The following HADHB variants were observed in gnomAD, a reference collection of about 807,000 sequenced individuals.
The protein encoded by HADHB is hydroxyacyl-CoA dehydrogenase trifunctional multienzyme complex subunit beta, also known as trifunctional enzyme subunit beta, mitochondrial.
In HADHB, 50 loss-of-function variants were observed where a neutral mutation model predicts 61.9. The ratio of observed to expected loss-of-function variants is 0.81; its 90% CI spans 0.64 to 1.02. The LOEUF is 1.02. HADHB is among the 50% of genes least tolerant of loss of function. The pLI is 0.00. For synonymous variants in HADHB, 191 were observed against 201.6 expected (o/e 0.95, Z 0.45); for missense variants, 504 against 586.5 (o/e 0.86, Z 1.45).
chr2:26,279,091 A>T, intron 8 of HADHB, 44 bp from the exon 9 acceptor site: 1 of 1,474,504 alleles, frequency 6.8e-7, no homozygotes, highest in South Asian at 1.1e-5. Context: ...TTAGCATAAC[A>T]CCGGTTAACA....
chr2:26,251,073 A>G (rs1437098124), intron 1 of HADHB, among the ~76,000 whole-genome samples: 1 of 151,238 alleles, frequency 6.6e-6, no homozygotes, highest in East Asian at 1.9e-4. Flanking sequence ...TATACACTAA[A>G]TTCTTACATA....
At chr2:26,276,542 G>A (rs1484746804) in intron 6 of HADHB, among the ~76,000 whole-genome samples, 1 of 152,152 alleles carries the variant, frequency 6.6e-6, no homozygotes, top group Non-Finnish European at 1.5e-5. Flanking sequence ...AAGCAGACAG[G>A]GTCTTGAGTG....
At chr2:26,288,601 CG>C (rs1488966916) in intron 15 of HADHB, among the ~76,000 whole-genome samples, 1 of 151,576 alleles carries the variant, frequency 6.6e-6, no homozygotes, top group South Asian at 2.1e-4. Context: ...CCCAGCTACT[CG>C]GGAGGCTGAG....
Position 26,290,160 on chromosome 2 carries a change from AG to A in HADHB, c.*208del. Reference sequence around the variant, plus strand: ...TTTACTGCTCTTTCAGGGATTTCTAAGCCACCAGAATCTCACATGAGATGTG... The same window carrying A: ...TTTACTGCTCTTTCAGGGATTTCTAACCACCAGAATCTCACATGAGATGTG... On this transcript the variant is annotated 3_prime_UTR_variant, in exon 16 of 16. Coordinates refer to ENST00000317799, the MANE Select transcript of HADHB (RefSeq NM_000183.3). The A allele has an allele frequency of 1.7e-6, 1 of 601,008 alleles. No homozygotes were observed. The highest frequency in any genetic ancestry group is 1.9e-5 in the South Asian group (1 of 51,804). 37.2% of individuals were successfully genotyped at this position (601,008 alleles called of 1,614,324 possible).
At chr2:26,251,317 G>C (rs567035217) in intron 1 of HADHB, among the ~76,000 whole-genome samples, 2 of 152,016 alleles carry the variant, frequency 1.3e-5, no homozygotes, top group South Asian at 4.2e-4. Context: ...CTCTTGAGTA[G>C]CTGCGACTAC....
intron 14 of HADHB, 107 bp downstream of exon 14, chr2:26,285,064 A>C (rs1210523253): frequency 1.1e-5 from 8 of 729,716 alleles, no homozygotes; most frequent in Non-Finnish European, 2.0e-5. Context: ...CTTTCTTTTG[A>C]AGAATTTTGT....
chr2:26,249,535 G>A (rs1429444215), intron 1 of HADHB, among the ~76,000 whole-genome samples: 1 of 151,774 alleles, frequency 6.6e-6, no homozygotes, highest in East Asian at 1.9e-4. Flanking sequence ...ATAAATAAAG[G>A]AGATTTATTG....
At chr2:26,273,822 T>C (rs573207857) in intron 6 of HADHB, 72 bp downstream of exon 6, 3 of 833,584 alleles carry the variant, frequency 3.6e-6, no homozygotes, top group African/African-American at 3.3e-5. Flanking sequence ...TAATAGAAGT[T>C]ACTTTACAAA....
intron 9 of HADHB, 52 bp from the exon 10 acceptor site, chr2:26,279,942 A>G: frequency 7.5e-7 from 1 of 1,339,964 alleles, no homozygotes; most frequent in Non-Finnish European, 1.1e-6. Context: ...TGTGGAGAAG[A>G]TATATAAGGC....
At position 26,253,873 on chromosome 2, in the gene HADHB, T is replaced by TA. The variant is rs1558341619; in HGVS notation, c.-8-371dup. Reference sequence around the variant, plus strand: ...CATCTCAAAAAAATAAATAAATAAATAAATAAATAAATAAATAAATAAATA... The same window carrying TA: ...CATCTCAAAAAAATAAATAAATAAATAAAATAAATAAATAAATAAATAAATA... On this transcript the variant is annotated intron_variant, in intron 1 of 15. Transcript: ENST00000317799. 3.7e-3 allele frequency among the ~76,000 whole-genome samples: 540 copies of TA among 146,542 alleles called. 3 individuals carry two copies. The highest frequency in any genetic ancestry group is 0.013 in the African/African-American group (526 of 40,270).
intron 12 of HADHB, 78 bp downstream of exon 12, chr2:26,283,129 G>A: frequency 1.1e-6 from 1 of 891,876 alleles, no homozygotes; most frequent in African/African-American, 1.6e-5. Context: ...GTTAATAAAT[G>A]ATTAACACTG....
In HADHB at chr2:26,279,143, G is replaced by C. The variant is rs530807623; in HGVS notation, c.639G>C (p.Ala213=). The C allele has an allele frequency of 6.2e-7, 1 of 1,613,490 alleles. No individual in the cohort carries two copies. The highest frequency in any genetic ancestry group is 8.5e-7 in the Non-Finnish European group (1 of 1,179,464). Residue 213 remains alanine (A), a synonymous_variant, in exon 9 of 16, where the codon GCG becomes GCC. Transcript: ENST00000317799. ...GATATCTCCTTTCCCAGCTCCCTGC[G>C]GTTTCTGAGTTCTCCACCAGTGAGA... ...RFNFLAPELP[A]VSEFSTSETM... is the part of the protein sequence containing the mutation.
chr2:26,284,197 CTT>C lies in HADHB; in HGVS notation c.1144_1145del (p.Phe382LeufsTer9). On this transcript the variant is annotated frameshift_variant, in exon 13 of 16. Transcript: ENST00000317799. LOFTEE classifies it high-confidence loss of function. Reference sequence around the variant, plus strand: ...ATTGATGCTTTTGAATTTCATGAAGCTTTCTCGGTAAGTAATTTGAAAGACAC... The same window carrying C: ...ATTGATGCTTTTGAATTTCATGAAGCTCTCGGTAAGTAATTTGAAAGACAC... 2.0e-6 allele frequency: 3 copies of C among 1,536,934 alleles called. No homozygotes were observed. The highest frequency in any genetic ancestry group is 2.7e-6 in the Non-Finnish European group (3 of 1,110,198).
At chr2:26,253,110 C>T (rs1671466369) in intron 1 of HADHB, among the ~76,000 whole-genome samples, 1 of 151,772 alleles carries the variant, frequency 6.6e-6, no homozygotes, top group South Asian at 2.1e-4. Context: ...GTGGTCTGTT[C>T]ATATTCTGTG....
At chr2:26,284,558 G>T (rs1196965984) in intron 13 of HADHB, among the ~76,000 whole-genome samples, 1 of 151,778 alleles carries the variant, frequency 6.6e-6, no homozygotes, top group African/African-American at 2.4e-5. Context: ...CGCCTTCCAG[G>T]TTCAAGCAAT....
intron 6 of HADHB, among the ~76,000 whole-genome samples, chr2:26,274,340 C>T (rs891477589): frequency 2.6e-5 from 4 of 152,212 alleles, no homozygotes; most frequent in Admixed American, 2.0e-4. Context: ...AATCCAAACA[C>T]GTCTTCTGGG....
chr2:26,248,827 CG>C (rs1233044293), intron 1 of HADHB, among the ~76,000 whole-genome samples: 1 of 151,702 alleles, frequency 6.6e-6, no homozygotes, highest in Admixed American at 6.6e-5. Flanking sequence ...GAGGCAGAGG[CG>C]GGCGGATCAC....
chr2:26,287,746 C>T (rs951285074), intron 15 of HADHB, among the ~76,000 whole-genome samples: 13 of 152,146 alleles, frequency 8.5e-5, no homozygotes, highest in African/African-American at 2.9e-4. Context: ...CAGGGTTTCT[C>T]AACTTTGGCA....
chr2:26,259,082 C>G (rs1671757255), intron 3 of HADHB, among the ~76,000 whole-genome samples: 1 of 152,206 alleles, frequency 6.6e-6, no homozygotes, highest in Non-Finnish European at 1.5e-5. Flanking sequence ...GCTTGAAAAT[C>G]CCCTCGAACT....
Sources: gnomAD v4.1 joint callset for allele counts (sites outside exome capture counted in the v4.1 genomes callset) on GRCh38, gnomAD v4.1.1 for gene constraint, MANE v1.5 for transcripts, NCBI Gene and HGNC (gene_info 2026-07-23, HGNC 2026-07-21) for gene names.